The following COL19A1 variants were observed in gnomAD, a reference collection of about 807,000 sequenced individuals.
COL19A1 encodes the protein collagen alpha-1(XIX) chain.
COL19A1 carries 159 observed loss-of-function variants against 190.2 expected under a neutral mutation model. The ratio of observed to expected loss-of-function variants is 0.84; its 90% confidence interval spans 0.73 to 0.95. The LOEUF (loss-of-function observed/expected upper bound fraction) is 0.95. Among genes scored for constraint, COL19A1 ranks in the 40% least tolerant of loss-of-function variants. The pLI is 0.00. For missense variants in COL19A1, 1,418 were observed against 1,431.9 expected, an observed-to-expected ratio of 0.99 and a Z score of 0.16; for synonymous variants, 509 against 458.9, an observed-to-expected ratio of 1.11 and a Z score of -1.39.
intron 15 of COL19A1, among the ~76,000 whole-genome samples, chr6:70,091,977 G>A (rs544277368): frequency 4.6e-5 from 7 of 152,176 alleles, no homozygotes; most frequent in Admixed American, 6.5e-5. Flanking sequence ...AAATACTCTC[G>A]GTTTTGTACA....
At chr6:69,962,655 T>C (rs1292256573) in intron 10 of COL19A1, among the ~76,000 whole-genome samples, 171 bp from the exon 11 acceptor site, 4 of 152,156 alleles carry the variant, frequency 2.6e-5, no homozygotes, top group Non-Finnish European at 4.4e-5. Flanking sequence ...CCTTTAGTAT[T>C]TAGAAATATT....
chr6:70,200,592 G>A (rs1382035885), intron 49 of COL19A1, among the ~76,000 whole-genome samples: 2 of 152,188 alleles, frequency 1.3e-5, no homozygotes, highest in African/African-American at 4.8e-5. Flanking sequence ...AGAAAGAAAA[G>A]TGGAAATTAA....
chr6:70,097,899 G>T (rs1783382909), intron 15 of COL19A1, among the ~76,000 whole-genome samples: 1 of 152,138 alleles, frequency 6.6e-6, no homozygotes, highest in South Asian at 2.1e-4. Flanking sequence ...TAACCAGGAA[G>T]ACTTATTCCG....
chr6:70,023,605 T>C (rs755669739), intron 11 of COL19A1, 22 bp from the exon 12 acceptor site: 5 of 1,587,630 alleles, frequency 3.1e-6, no homozygotes, highest in Non-Finnish European at 4.3e-6. Flanking sequence ...GATTTTTCAT[T>C]GTATAAATTG....
rs376254312 is a variant in COL19A1, at chr6:70,187,337, C to CACAA, written c.2857-735_2857-734insAACA. On this transcript the variant is annotated intron_variant, in intron 46 of 50. Coordinates refer to ENST00000620364, the MANE Select transcript of COL19A1 (RefSeq NM_001858.6). Reference sequence around the variant, plus strand: ...AGTGATCACACTCAACGTGCACACACACATGCATACACGTGTAAAGCACAA... The same window carrying CACAA: ...AGTGATCACACTCAACGTGCACACACACAAACATGCATACACGTGTAAAGCACAA... 2.0e-4 allele frequency among the ~76,000 whole-genome samples: 30 copies of CACAA among 152,150 alleles called. 1 individual carries two copies. Among genetic ancestry groups the CACAA allele is most frequent in the Non-Finnish European group, 2.6e-4 (18 of 67,978 alleles).
chr6:69,970,591 A>G (rs763272359), intron 11 of COL19A1, among the ~76,000 whole-genome samples: 3 of 152,202 alleles, frequency 2.0e-5, no homozygotes, highest in Non-Finnish European at 4.4e-5. Context: ...TTTAAAACTA[A>G]TGCAAGTATG....
intron 34 of COL19A1, among the ~76,000 whole-genome samples, chr6:70,159,008 AT>A (rs910610127): frequency 8.7e-4 from 133 of 152,180 alleles, no homozygotes; most frequent in African/African-American, 3.0e-3. Context: ...GATGGGAATG[AT>A]TTTTTATTTA....
chr6:69,945,048 C>G (rs1196443315), intron 9 of COL19A1, among the ~76,000 whole-genome samples: 2 of 151,968 alleles, frequency 1.3e-5, no homozygotes, highest in Non-Finnish European at 2.9e-5. Flanking sequence ...TTAATACCCT[C>G]ACCCATTTCA....
At position 69,960,018 on chromosome 6, in the gene COL19A1, C is replaced by T; in HGVS notation, c.959C>T (p.Ala320Val). Residue 320 changes from alanine (A) to valine (V), a missense_variant, in exon 10 of 51, where the codon GCT becomes GTT. Physicochemically the swap from Ala to Val is moderately conservative, Grantham distance 64 (BLOSUM62 0). Coordinates refer to ENST00000620364, the MANE Select transcript of COL19A1 (RefSeq NM_001858.6). ...GEPGENGLHGAPGFPGQKGEQ... is the reference protein window; with the variant it reads ...GEPGENGLHGVPGFPGQKGEQ... ...TAGGGTGAAAATGGTTTACATGGTG[C>T]TCCAGGATTCCCTGGTCAAAAGGTA... 6.2e-7 allele frequency: 1 copy of T among 1,613,500 alleles called. No homozygotes were observed. The highest frequency in any genetic ancestry group is 2.2e-5 in the East Asian group (1 of 44,850).
chr6:70,161,118 A>G (rs912989108), intron 34 of COL19A1, among the ~76,000 whole-genome samples: 6 of 152,210 alleles, frequency 3.9e-5, no homozygotes, highest in African/African-American at 1.4e-4. Flanking sequence ...GAGGGGAGGG[A>G]GGGGAAATCT....
chr6:70,197,652 T>C (rs1412094729), intron 48 of COL19A1, among the ~76,000 whole-genome samples: 3 of 152,188 alleles, frequency 2.0e-5, no homozygotes, highest in Non-Finnish European at 2.9e-5. Flanking sequence ...GAATAAGATA[T>C]AGTAATATCA....
chr6:70,142,050 G>T lies in COL19A1; in HGVS notation c.1546G>T (p.Gly516Cys). The T allele has an allele frequency of 6.2e-7, 1 of 1,612,248 alleles. No homozygotes were observed. Among genetic ancestry groups the T allele is most frequent in the Non-Finnish European group, 8.5e-7 (1 of 1,178,858 alleles). The change falls in exon 22 of 51, where the codon GGT becomes TGT. Residue 516 changes from glycine (G) to cysteine (C), a missense_variant. Gly to Cys is a radical substitution (Grantham distance 159, BLOSUM62 -3). Transcript: ENST00000620364. Reference protein sequence around the residue: ...KGEPGDPGPPGLIGSPGLKGQ... With the variant: ...KGEPGDPGPPCLIGSPGLKGQ... ...TGAACCTGGAGATCCCGGACCCCCTGGTTTAATAGGAAGCCCAGGACTAAA... is the reference window on the plus strand; with the variant it reads ...TGAACCTGGAGATCCCGGACCCCCTTGTTTAATAGGAAGCCCAGGACTAAA...
In COL19A1 at chr6:69,957,973, T is replaced by A. The variant is rs564550783; in HGVS notation, c.937-2023T>A. On this transcript the variant is annotated intron_variant, in intron 9 of 50. Coordinates refer to ENST00000620364, the MANE Select transcript of COL19A1 (RefSeq NM_001858.6). ...AATTATGTTTATAAAACACATTCAG[T>A]CAAGAAAGAGCAGAGACCATTTAAT... Among the ~76,000 whole-genome samples the A allele has an allele frequency of 3.0e-4, 45 of 152,232 alleles. 2 individuals carry two copies. In the South Asian group the frequency reaches 9.3e-3, roughly 32 times the overall value.
At chr6:70,062,040 T>C (rs909549496) in intron 14 of COL19A1, among the ~76,000 whole-genome samples, 1 of 149,766 alleles carries the variant, frequency 6.7e-6, no homozygotes, top group Non-Finnish European at 1.5e-5. Flanking sequence ...AACTGATTAG[T>C]TTTTTTCCCT....
intron 2 of COL19A1, among the ~76,000 whole-genome samples, chr6:69,895,612 G>A (rs1769675975): frequency 6.6e-6 from 1 of 152,188 alleles, no homozygotes; most frequent in Admixed American, 6.5e-5. Context: ...ACAGGAAGAG[G>A]AAGGGCCAGG....
chr6:69,955,466 T>C (rs1328838423), intron 9 of COL19A1, among the ~76,000 whole-genome samples: 1 of 151,786 alleles, frequency 6.6e-6, no homozygotes, highest in Non-Finnish European at 1.5e-5. Flanking sequence ...AATTTAGTTT[T>C]AAAAAGAAGC....
In COL19A1 at chr6:70,163,355, A is replaced by G. The variant is rs761523151; in HGVS notation, c.2359A>G (p.Arg787Gly). 6.2e-7 allele frequency: 1 copy of G among 1,612,522 alleles called. No homozygotes were observed. Among genetic ancestry groups the G allele is most frequent in the South Asian group, 1.1e-5 (1 of 90,960 alleles). ...GPTGPPGLMG[R>G]TGHPGPTGAK... ...TTGTGTTTTACAGGGCTTAATGGGA[A>G]GAACTGGACATCCTGGTCCCACAGG... Residue 787 changes from arginine (R) to glycine (G), a missense_variant, in exon 36 of 51, where the codon AGA (arginine) becomes GGA (glycine). By Grantham distance (125) the Arg-to-Gly change is moderately radical. Coordinates refer to ENST00000620364, the MANE Select transcript of COL19A1 (RefSeq NM_001858.6).
At chr6:70,029,354 C>T (rs1778900829) in intron 12 of COL19A1, among the ~76,000 whole-genome samples, 1 of 152,120 alleles carries the variant, frequency 6.6e-6, no homozygotes, top group African/African-American at 2.4e-5. Flanking sequence ...TATAATACTG[C>T]TCTTCAGCTT....
intron 4 of COL19A1, among the ~76,000 whole-genome samples, chr6:69,915,083 A>G (rs1380821368): frequency 6.6e-6 from 1 of 152,218 alleles, no homozygotes; most frequent in Non-Finnish European, 1.5e-5. Flanking sequence ...CCGAACTGTT[A>G]CTACACAGAG....
Sources: allele counts gnomAD v4.1 joint callset (sites outside exome capture counted in the v4.1 genomes callset), GRCh38; gene constraint gnomAD v4.1.1; transcripts MANE v1.5; gene names NCBI Gene and HGNC (gene_info 2026-07-23, HGNC 2026-07-21).